The following GPC6 variants were observed in gnomAD, a reference collection of about 807,000 sequenced individuals.
GPC6 encodes the protein glypican-6.
A neutral mutation model predicts 55.2 loss-of-function variants in GPC6; 14 were observed. The ratio of observed to expected loss-of-function variants is 0.25; its 90% confidence interval spans 0.17 to 0.40. The LOEUF (loss-of-function observed/expected upper bound fraction) is 0.40. Among genes scored for constraint, GPC6 ranks in the 10% least tolerant of loss-of-function variants. The probability of loss-of-function intolerance (pLI) is 1.00; values close to 1 mark genes in which losing one functional copy is unlikely to be tolerated. For missense variants in GPC6, 641 were observed against 708.5 expected, an observed-to-expected ratio of 0.90 and a Z score of 1.08; for synonymous variants, 278 against 259.6, an observed-to-expected ratio of 1.07 and a Z score of -0.68.
intron 6 of GPC6, among the ~76,000 whole-genome samples, chr13:94,345,373 T>TC (rs1257394210): frequency 6.6e-6 from 1 of 152,124 alleles, no homozygotes; most frequent in Non-Finnish European, 1.5e-5. Flanking sequence ...AAAGAAAAAG[T>TC]CATACTTACT....
chr13:94,165,845 T>G (rs766556112), intron 4 of GPC6, among the ~76,000 whole-genome samples: 6 of 152,154 alleles, frequency 3.9e-5, no homozygotes, highest in Non-Finnish European at 7.4e-5. Flanking sequence ...GCTACTTGCT[T>G]GATCAAATCA....
intron 3 of GPC6, among the ~76,000 whole-genome samples, chr13:93,853,605 C>T (rs1365533388): frequency 2.0e-5 from 3 of 151,496 alleles, no homozygotes; most frequent in African/African-American, 7.3e-5. Context: ...CTCTATTTAA[C>T]ACCTGTAGAC....
In GPC6 at chr13:93,438,175, C is replaced by A. The variant is rs57090712; in HGVS notation, c.161-107088C>A. Among the ~76,000 whole-genome samples, 435 of 152,238 alleles carry A rather than the reference C, an allele frequency of 2.9e-3. 2 individuals are homozygous for A. The highest frequency in any genetic ancestry group is 0.01 in the African/African-American group (426 of 41,558). On this transcript the variant is annotated intron_variant, in intron 1 of 8. Transcript: ENST00000377047. ...TGCTCATTGACAATGCACCTGGTCA[C>A]CCAAGAGCTCTGATGGAGATGTACA... is the stretch of plus-strand genomic sequence containing the variant.
intron 2 of GPC6, among the ~76,000 whole-genome samples, chr13:93,636,722 A>T (rs1411484912): frequency 6.6e-6 from 1 of 152,216 alleles, no homozygotes; most frequent in Non-Finnish European, 1.5e-5. Context: ...GGCAGAAAAC[A>T]TTAACTCAGG....
intron 3 of GPC6, among the ~76,000 whole-genome samples, chr13:93,985,219 G>A (rs2140408842): frequency 6.6e-6 from 1 of 152,228 alleles, no homozygotes; most frequent in South Asian, 2.1e-4. Context: ...TGGATCATGA[G>A]GTCAAGAGAT....
intron 1 of GPC6, among the ~76,000 whole-genome samples, chr13:93,444,400 G>A (rs1877919533): frequency 6.6e-6 from 1 of 151,932 alleles, no homozygotes; most frequent in South Asian, 2.1e-4. Flanking sequence ...CGAGGTCAGA[G>A]GTTTGAGACC....
intron 4 of GPC6, among the ~76,000 whole-genome samples, chr13:94,038,953 T>G (rs1224794681): frequency 6.6e-6 from 1 of 151,940 alleles, no homozygotes; most frequent in Non-Finnish European, 1.5e-5. Flanking sequence ...CAAGCAAGCT[T>G]CTTCTTATCC....
At chr13:94,346,103 A>G (rs531812732) in intron 6 of GPC6, among the ~76,000 whole-genome samples, 1 of 152,256 alleles carries the variant, frequency 6.6e-6, no homozygotes, top group South Asian at 2.1e-4. Flanking sequence ...GTCTTGTCTT[A>G]TAAGGACACC....
intron 2 of GPC6, among the ~76,000 whole-genome samples, chr13:93,776,029 T>C (rs1885453587): frequency 6.6e-6 from 1 of 150,676 alleles, no homozygotes; most frequent in South Asian, 2.1e-4. Flanking sequence ...TTTTAAAGCC[T>C]TTTTTTTCCG....
intron 3 of GPC6, among the ~76,000 whole-genome samples, chr13:93,889,737 T>G (rs980250104): frequency 3.3e-5 from 5 of 152,094 alleles, no homozygotes; most frequent in African/African-American, 9.6e-5. Context: ...TCTGGCCCCA[T>G]GGGGAAAGAT....
At chr13:93,973,205 A>G (rs551920897) in intron 3 of GPC6, among the ~76,000 whole-genome samples, 3 of 152,334 alleles carry the variant, frequency 2.0e-5, no homozygotes, top group East Asian at 3.9e-4. Context: ...CTCTTTGGCT[A>G]CAAACCTGTG....
intron 1 of GPC6, among the ~76,000 whole-genome samples, chr13:93,268,388 C>T (rs1351266619): frequency 6.6e-6 from 1 of 152,180 alleles, no homozygotes; most frequent in African/African-American, 2.4e-5. Context: ...CTTGAATAAT[C>T]TCCATTTAGA....
intron 2 of GPC6, among the ~76,000 whole-genome samples, chr13:93,802,985 G>T (rs1886427179): frequency 6.6e-6 from 1 of 152,064 alleles, no homozygotes; most frequent in Admixed American, 6.6e-5. Context: ...TTCATTAACT[G>T]TGAAACAAAG....
intron 3 of GPC6, among the ~76,000 whole-genome samples, chr13:93,832,454 A>C (rs148614187): frequency 3.2e-4 from 48 of 152,290 alleles, no homozygotes; most frequent in African/African-American, 1.1e-3. Flanking sequence ...GCCTTTGAGA[A>C]ATATGAATTA....
chr13:93,843,477 G>A (rs983443461), intron 3 of GPC6, among the ~76,000 whole-genome samples: 1 of 152,114 alleles, frequency 6.6e-6, no homozygotes, highest in Admixed American at 6.6e-5. Context: ...AAAATGTGTG[G>A]TAGAAATCCA....
At chr13:93,906,987 A>G (rs1435516220) in intron 3 of GPC6, among the ~76,000 whole-genome samples, 1 of 152,206 alleles carries the variant, frequency 6.6e-6, no homozygotes, top group East Asian at 1.9e-4. Flanking sequence ...AGATGTAAAC[A>G]TGTGGAGATA....
At chr13:94,354,874 T>G (rs533683600) in intron 6 of GPC6, among the ~76,000 whole-genome samples, 25 of 152,316 alleles carry the variant, frequency 1.6e-4, no homozygotes, top group African/African-American at 5.3e-4. Context: ...ATGACGGTGA[T>G]GATGATCATG....
At chr13:94,198,163 G>T (rs534033787) in intron 4 of GPC6, among the ~76,000 whole-genome samples, 1 of 151,956 alleles carries the variant, frequency 6.6e-6, no homozygotes, top group South Asian at 2.1e-4. Context: ...TAATTACAAA[G>T]AAATTTCATC....
intron 4 of GPC6, among the ~76,000 whole-genome samples, chr13:94,268,834 T>C (rs1470289946): frequency 1.3e-5 from 2 of 151,762 alleles, no homozygotes; most frequent in Non-Finnish European, 2.9e-5. Context: ...ATGACTCTTA[T>C]TATAACGTTG....
Sources: allele counts gnomAD v4.1 joint callset (sites outside exome capture counted in the v4.1 genomes callset), GRCh38; gene constraint gnomAD v4.1.1; transcripts MANE v1.5; gene names NCBI Gene and HGNC (gene_info 2026-07-23, HGNC 2026-07-21).